SPAG16: variants seen among roughly 807,000 people sequenced by gnomAD.
SPAG16 encodes sperm associated antigen 16, also known as sperm-associated antigen 16 protein.
A neutral mutation model predicts 80.4 loss-of-function variants in SPAG16; 86 were observed. The ratio of observed to expected loss-of-function variants is 1.07; its 90% CI spans 0.90 to 1.28. The LOEUF (loss-of-function observed/expected upper bound fraction) is 1.28, where lower values mean the gene tolerates loss of function less well. SPAG16 is among the 50% of genes most tolerant of loss of function. The pLI, the probability that SPAG16 is intolerant of heterozygous loss-of-function variation, is 0.00. For synonymous variants in SPAG16, 294 were observed against 265.9 expected (o/e 1.11, Z -1.03); for missense variants, 870 against 765.3 (o/e 1.14, Z -1.61).
chr2:213,359,414 G>T (rs1286517546), intron 7 of SPAG16, among the ~76,000 whole-genome samples: 1 of 152,154 alleles, frequency 6.6e-6, no homozygotes, highest in Non-Finnish European at 1.5e-5. Flanking sequence ...GCCTTGCTGA[G>T]CTGCGGTGGG....
chr2:214,189,420 T>C (rs1164244925), intron 15 of SPAG16, among the ~76,000 whole-genome samples: 1 of 152,146 alleles, frequency 6.6e-6, no homozygotes. Flanking sequence ...GCCAGGACAT[T>C]CATGATTTTT....
chr2:213,605,533 G>A (rs6754702), intron 10 of SPAG16, among the ~76,000 whole-genome samples: 62,143 of 151,842 alleles, frequency 0.41, 13,242 homozygotes, highest in Middle Eastern at 0.51. Context: ...CTTGTTCCCT[G>A]GGCTAGTGTG....
At position 213,998,752 on chromosome 2, in the gene SPAG16, G is replaced by A. The variant is rs552605021; in HGVS notation, c.1401-15199G>A. 2.0e-5 allele frequency among the ~76,000 whole-genome samples: 3 copies of A among 152,318 alleles called. No homozygotes were observed. The South Asian group carries it at 6.2e-4, about 32-fold the overall frequency. ...TGACCAAAAGCTTGATAGTGATATG[G>A]ACACTAAGGTCCAGGCTGAGGTGGT... On this transcript the variant is annotated intron_variant, in intron 12 of 15. Coordinates refer to ENST00000331683, the MANE Select transcript of SPAG16 (RefSeq NM_024532.5).
At chr2:213,562,094 G>T (rs765749758) in intron 10 of SPAG16, among the ~76,000 whole-genome samples, 18 of 152,060 alleles carry the variant, frequency 1.2e-4, no homozygotes, top group Non-Finnish European at 2.9e-5. Flanking sequence ...ATATTAGATT[G>T]GTAATACCAA....
intron 9 of SPAG16, among the ~76,000 whole-genome samples, chr2:213,464,368 T>C (rs1352634568): frequency 6.6e-6 from 1 of 152,154 alleles, no homozygotes; most frequent in Non-Finnish European, 1.5e-5. Context: ...AGGAATGTGG[T>C]CTCCAAGCAC....
chr2:213,753,356 A>C lies in SPAG16; in HGVS notation c.1071-109129A>C, dbSNP rs187674736. Among the ~76,000 whole-genome samples the C allele has an allele frequency of 2.0e-5, 3 of 152,218 alleles. No individual in the cohort carries two copies. In the East Asian group the frequency reaches 5.8e-4, roughly 29 times the overall value. ...TATTTATCTTACTACTTTCTTTCTC[A>C]TAAGTGCATAGGAAAATTTGACACT... On this transcript the variant is annotated intron_variant, in intron 10 of 15. Transcript: ENST00000331683.
At chr2:213,784,733 C>T (rs2070228622) in intron 10 of SPAG16, among the ~76,000 whole-genome samples, 1 of 149,526 alleles carries the variant, frequency 6.7e-6, no homozygotes, top group African/African-American at 2.5e-5. Flanking sequence ...AAAAGAGAAG[C>T]ACATGTCCTA....
intron 10 of SPAG16, among the ~76,000 whole-genome samples, chr2:213,804,403 G>T (rs534537048): frequency 9.2e-5 from 14 of 152,322 alleles, no homozygotes; most frequent in African/African-American, 3.1e-4. Flanking sequence ...CATTATAAGG[G>T]CCGGGCACTG....
chr2:214,122,144 A>G (rs1036029768), intron 14 of SPAG16, among the ~76,000 whole-genome samples: 7 of 151,818 alleles, frequency 4.6e-5, no homozygotes, highest in Non-Finnish European at 1.0e-4. Flanking sequence ...GTGTAAACAT[A>G]AACTTGCCAT....
At chr2:213,738,808 G>A (rs1382672058) in intron 10 of SPAG16, among the ~76,000 whole-genome samples, 1 of 152,124 alleles carries the variant, frequency 6.6e-6, no homozygotes, top group Non-Finnish European at 1.5e-5. Context: ...CTCCATTTGG[G>A]GAGATAGGGC....
intron 9 of SPAG16, among the ~76,000 whole-genome samples, chr2:213,403,312 A>G (rs1295897688): frequency 6.6e-6 from 1 of 151,962 alleles, no homozygotes; most frequent in African/African-American, 2.4e-5. Context: ...AGTTCATTGT[A>G]GATTCTGGAT....
chr2:213,390,585 C>T, intron 9 of SPAG16, among the ~76,000 whole-genome samples: 1 of 152,056 alleles, frequency 6.6e-6, no homozygotes, highest in East Asian at 1.9e-4. Flanking sequence ...GGGAAATATT[C>T]ACATCAACTT....
chr2:213,813,992 GAA>G (rs976700846), intron 10 of SPAG16, among the ~76,000 whole-genome samples: 7 of 152,202 alleles, frequency 4.6e-5, no homozygotes. Flanking sequence ...CACAGAGGGA[GAA>G]AGTGGGTAGG....
At chr2:213,841,578 G>C (rs1331604214) in intron 10 of SPAG16, among the ~76,000 whole-genome samples, 1 of 152,010 alleles carries the variant, frequency 6.6e-6, no homozygotes, top group Non-Finnish European at 1.5e-5. Context: ...TGACTTACTT[G>C]TTGATGTATT....
intron 15 of SPAG16, among the ~76,000 whole-genome samples, chr2:214,326,609 C>T (rs60590594): frequency 6.6e-6 from 1 of 152,240 alleles, no homozygotes; most frequent in African/African-American, 2.4e-5. Flanking sequence ...TGCTCAGCCC[C>T]AGCATGATAG....
intron 10 of SPAG16, among the ~76,000 whole-genome samples, chr2:213,721,469 T>A (rs1419428545): frequency 2.0e-5 from 3 of 152,222 alleles, no homozygotes; most frequent in Non-Finnish European, 4.4e-5. Flanking sequence ...ATATTTTATA[T>A]TTACTGTTAG....
intron 1 of SPAG16, among the ~76,000 whole-genome samples, chr2:213,294,132 A>C (rs2062406291): frequency 6.6e-6 from 1 of 152,206 alleles, no homozygotes; most frequent in Non-Finnish European, 1.5e-5. Context: ...CTGTTTCTGT[A>C]GAGTTGGAAT....
chr2:213,540,981 G>A (rs984520816), intron 10 of SPAG16, among the ~76,000 whole-genome samples: 1 of 152,238 alleles, frequency 6.6e-6, no homozygotes, highest in Non-Finnish European at 1.5e-5. Flanking sequence ...GCGTGTGCAC[G>A]CAGGTGCACT....
chr2:214,016,056 A>T (rs560294039), intron 13 of SPAG16, among the ~76,000 whole-genome samples: 3 of 152,216 alleles, frequency 2.0e-5, no homozygotes, highest in South Asian at 2.1e-4. Flanking sequence ...TTGTCTAGGA[A>T]TGAGGGTTTT....
Sources: allele counts gnomAD v4.1 joint callset (sites outside exome capture counted in the v4.1 genomes callset), GRCh38; gene constraint gnomAD v4.1.1; transcripts MANE v1.5; gene names NCBI Gene and HGNC (gene_info 2026-07-23, HGNC 2026-07-21).